The following HDHD2 variants were observed in gnomAD, a reference collection of about 807,000 sequenced individuals.
HDHD2 encodes the protein haloacid dehalogenase-like hydrolase domain-containing protein 2.
HDHD2 carries 26 observed loss-of-function variants against 24.8 expected under a neutral mutation model. That is an observed-to-expected ratio of 1.05 (90% CI 0.77 to 1.45). The LOEUF (loss-of-function observed/expected upper bound fraction) is 1.45, where lower values mean the gene tolerates loss of function less well. Among genes scored for constraint, HDHD2 ranks in the 40% most tolerant of loss-of-function variants. The pLI is 0.00. For missense variants in HDHD2, 299 were observed against 313.4 expected, an observed-to-expected ratio of 0.95 and a Z score of 0.35; for synonymous variants, 128 against 114.9, an observed-to-expected ratio of 1.11 and a Z score of -0.73.
chr18:47,114,249 G>A (rs1228376530), intron 5 of HDHD2, among the ~76,000 whole-genome samples: 1 of 152,214 alleles, frequency 6.6e-6, no homozygotes, highest in Non-Finnish European at 1.5e-5. Flanking sequence ...CAGGAGGACT[G>A]TGATACACAT....
chr18:47,114,625 C>A (rs4315432), intron 5 of HDHD2, among the ~76,000 whole-genome samples: 1 of 152,124 alleles, frequency 6.6e-6, no homozygotes, highest in Admixed American at 6.5e-5. Context: ...TCATCCCAGG[C>A]TCAGCCCTGC....
Position 47,112,987 on chromosome 18 carries a change from T to C in HDHD2, c.666A>G (p.Leu222=). ...ACAGAAGATACATACCAGTCTTTAC[T>C]AAGATGCCCAGCATGCCGACATCTT... ...GAQDVGMLGI[L]VKTGKYRASD... The change falls in exon 6 of 7, where the codon TTA becomes TTG. Residue 222 remains leucine, a synonymous_variant. Coordinates refer to ENST00000300605, the MANE Select transcript of HDHD2 (RefSeq NM_032124.5). The C allele has an allele frequency of 6.2e-7, 1 of 1,613,550 alleles. No individual in the cohort carries two copies. Among genetic ancestry groups the C allele is most frequent in the Non-Finnish European group, 8.5e-7 (1 of 1,179,452 alleles).
intron 4 of HDHD2, among the ~76,000 whole-genome samples, chr18:47,123,361 G>C (rs1480884308): frequency 2.0e-5 from 3 of 152,154 alleles, no homozygotes; most frequent in Non-Finnish European, 2.9e-5. Flanking sequence ...GCCGAGGTGG[G>C]TGGATTACCT....
chr18:47,120,437 C>CTTAG (rs1338549282), intron 4 of HDHD2, among the ~76,000 whole-genome samples: 11 of 152,226 alleles, frequency 7.2e-5, no homozygotes, highest in African/African-American at 2.7e-4. Flanking sequence ...CCTCATCTCT[C>CTTAG]TTAGTCTTCA....
At chr18:47,141,062 C>T (rs1238038324) in intron 1 of HDHD2, among the ~76,000 whole-genome samples, 1 of 152,106 alleles carries the variant, frequency 6.6e-6, no homozygotes, top group East Asian at 1.9e-4. Flanking sequence ...GAAAGGAATG[C>T]TTTTAGTATT....
chr18:47,135,672 A>C (rs932251506), intron 2 of HDHD2, among the ~76,000 whole-genome samples: 1 of 152,248 alleles, frequency 6.6e-6, no homozygotes, highest in Admixed American at 6.5e-5. Flanking sequence ...AAATTATTTT[A>C]GGATAAAGAT....
intron 1 of HDHD2, among the ~76,000 whole-genome samples, chr18:47,149,612 G>A (rs553918059): frequency 3.4e-4 from 51 of 152,206 alleles, no homozygotes; most frequent in African/African-American, 1.2e-3. Flanking sequence ...CCCTCGTTGC[G>A]GGACTTTTGT....
At position 47,110,345 on chromosome 18, in the gene HDHD2, C is replaced by T. The variant is rs1019002305; in HGVS notation, c.677-1560G>A. The stretch of plus-strand genomic sequence containing the variant: ...CACTCTCGTTAGCACCCTGAAGGCA[C>T]CTGTCCATAGCATGGTCCCCGCAGC... On this transcript the variant is annotated intron_variant, in intron 6 of 6. Coordinates refer to ENST00000300605, the MANE Select transcript of HDHD2 (RefSeq NM_032124.5). The T allele has an allele frequency of 2.9e-5, 29 of 985,298 alleles. No homozygotes were observed. The African/African-American group carries it at 4.9e-4, about 17-fold the overall frequency. The allele number at this position is 985,298 out of a possible 1,614,324, so 61.0% of individuals were successfully genotyped here.
intron 1 of HDHD2, among the ~76,000 whole-genome samples, 194 bp from the exon 2 acceptor site, chr18:47,136,643 T>G (rs1459514062): frequency 1.4e-5 from 2 of 142,090 alleles, no homozygotes; most frequent in Non-Finnish European, 3.1e-5. Flanking sequence ...AATACTTAGG[T>G]TTTTTTTTAA....
intron 1 of HDHD2, among the ~76,000 whole-genome samples, chr18:47,149,352 C>G (rs2063906074): frequency 6.6e-6 from 1 of 152,128 alleles, no homozygotes; most frequent in Non-Finnish European, 1.5e-5. Flanking sequence ...CTGGGAAGTA[C>G]AAATTTTCTT....
chr18:47,132,991 C>T (rs1356800254), intron 3 of HDHD2, among the ~76,000 whole-genome samples: 4 of 152,002 alleles, frequency 2.6e-5, no homozygotes, highest in Admixed American at 1.3e-4. Flanking sequence ...GACCTGTGTT[C>T]GTTTTTTTAT....
At chr18:47,120,059 G>A (rs576811193) in intron 4 of HDHD2, among the ~76,000 whole-genome samples, 5 of 152,316 alleles carry the variant, frequency 3.3e-5, no homozygotes, top group African/African-American at 9.6e-5. Context: ...TGCCATTCAG[G>A]CTTTGTTATT....
intron 3 of HDHD2, among the ~76,000 whole-genome samples, chr18:47,132,138 A>C (rs558624177): frequency 1.3e-5 from 2 of 152,184 alleles, no homozygotes; most frequent in Non-Finnish European, 2.9e-5. Context: ...TTTTACAAAT[A>C]TAAGACAAAT....
chr18:47,118,571 C>T (rs904077535), intron 4 of HDHD2, among the ~76,000 whole-genome samples: 6 of 152,034 alleles, frequency 3.9e-5, no homozygotes, highest in Non-Finnish European at 7.4e-5. Context: ...ACACAGACTC[C>T]GGCCTGTTGG....
chr18:47,150,024 TAAACC>T (rs1329813440), intron 1 of HDHD2: 1 of 152,312 alleles, frequency 6.6e-6, no homozygotes, highest in Admixed American at 6.5e-5. Flanking sequence ...CACTCGGTTC[TAAACC>T]AAGTACCAGG....
At chr18:47,134,366 ATATCAGTAT>A (rs1300144641) in intron 3 of HDHD2, 121 bp downstream of exon 3, 1 of 717,528 alleles carries the variant, frequency 1.4e-6, no homozygotes, top group Non-Finnish European at 2.3e-6. Flanking sequence ...TAGATTCAAA[ATATCAGTAT>A]TATCAAATAT....
Position 47,136,445 on chromosome 18 carries a change from A to T in HDHD2, c.-6T>A. On this transcript the variant is annotated 5_prime_UTR_variant, in exon 2 of 7. The change abolishes an upstream ATG in the 5' untranslated region. Transcript: ENST00000300605. ...AATGCACGGCATGCTGCCATCCTTCATTCCCTAGGAGAGAGCAAATGAAAT... is the reference window on the plus strand; with the variant it reads ...AATGCACGGCATGCTGCCATCCTTCTTTCCCTAGGAGAGAGCAAATGAAAT... 1.2e-6 allele frequency: 2 copies of T among 1,612,000 alleles called. No homozygotes were observed. Among genetic ancestry groups the T allele is most frequent in the Non-Finnish European group, 8.5e-7 (1 of 1,179,638 alleles).
At chr18:47,111,593 G>A in intron 6 of HDHD2, 1 of 985,256 alleles carries the variant, frequency 1.0e-6, no homozygotes, top group Non-Finnish European at 1.2e-6. Flanking sequence ...TACGTTCCTG[G>A]GAAGGTGATC....
chr18:47,135,295 CTT>C (rs1204908552), intron 2 of HDHD2, among the ~76,000 whole-genome samples: 4 of 131,218 alleles, frequency 3.0e-5, no homozygotes, highest in Non-Finnish European at 6.3e-5. Flanking sequence ...GAGTTTCACT[CTT>C]GTTGCCCAGG....
Sources: allele counts gnomAD v4.1 joint callset (sites outside exome capture counted in the v4.1 genomes callset), GRCh38; gene constraint gnomAD v4.1.1; transcripts MANE v1.5; gene names NCBI Gene and HGNC (gene_info 2026-07-23, HGNC 2026-07-21).